HELZ: variants seen among roughly 807,000 people sequenced by gnomAD.
HELZ encodes the protein ATP-dependent RNA helicase with zinc finger domain.
A neutral mutation model predicts 218.2 loss-of-function variants in HELZ; 23 were observed. The ratio of observed to expected loss-of-function variants is 0.11; its 90% confidence interval spans 0.08 to 0.15. The LOEUF (loss-of-function observed/expected upper bound fraction) is 0.15. Among genes scored for constraint, HELZ ranks in the 10% least tolerant of loss-of-function variants. The probability of loss-of-function intolerance (pLI) is 1.00; values close to 1 mark genes in which losing one functional copy is unlikely to be tolerated. For missense variants in HELZ, 1,813 were observed against 2,353.7 expected (o/e 0.77, Z 4.75); for synonymous variants, 814 against 829.4 (o/e 0.98, Z 0.32).
rs1284935800 is a variant in HELZ at position 67,244,976 on chromosome 17, G to C, written c.-132+172C>G. On this transcript the variant is annotated intron_variant, in intron 1 of 32. Coordinates refer to ENST00000358691, the MANE Select transcript of HELZ (RefSeq NM_014877.4). ...AGCCCCAGCGTCCGGGCCTCGCCTCGAAGAGCCGCGCTTCCCAGGCCCAGC... is the reference window on the plus strand; with the variant it reads ...AGCCCCAGCGTCCGGGCCTCGCCTCCAAGAGCCGCGCTTCCCAGGCCCAGC... 1.1e-5 allele frequency: 11 copies of C among 985,762 alleles called. No homozygotes were observed. The Admixed American group carries it at 6.2e-4, about 55-fold the overall frequency. The allele number at this position is 985,762 out of a possible 1,614,324, so 61.1% of individuals were successfully genotyped here. A position where few individuals can be genotyped will look rare whatever the true frequency, so the allele number is the denominator to read the frequency against.
intron 3 of HELZ, among the ~76,000 whole-genome samples, chr17:67,234,255 A>G (rs2041118280): frequency 6.7e-6 from 1 of 148,792 alleles, no homozygotes; most frequent in Admixed American, 6.7e-5. Flanking sequence ...CCTAGGAGGC[A>G]GAGGTTACAA....
chr17:67,078,338 T>C lies in HELZ; in HGVS notation c.5743A>G (p.Lys1915Glu). Reference protein sequence around the residue: ...KPRPPPEQAKKSSDPLSLFQE... With the variant: ...KPRPPPEQAKESSDPLSLFQE... Reference sequence around the variant, plus strand: ...AAGAGAGACAGAGGGTCGCTACTCTTCTTGGCCTGCTCAGGAGGGGGCCTG... The same window carrying C: ...AAGAGAGACAGAGGGTCGCTACTCTCCTTGGCCTGCTCAGGAGGGGGCCTG... The change falls in exon 33 of 33, where the codon AAG becomes GAG. Residue 1915 changes from lysine (K) to glutamate (E), a missense_variant. This residue lies in a region of HELZ where 938 missense variants were observed against 1,027.5 expected (regional missense o/e 0.91). Coordinates refer to ENST00000358691, the MANE Select transcript of HELZ (RefSeq NM_014877.4). The C allele has an allele frequency of 6.2e-7, 1 of 1,614,082 alleles. No homozygotes were observed. Among genetic ancestry groups the C allele is most frequent in the Non-Finnish European group, 8.5e-7 (1 of 1,179,980 alleles).
At chr17:67,207,026 C>A (rs1399028851) in intron 5 of HELZ, among the ~76,000 whole-genome samples, 4 of 151,148 alleles carry the variant, frequency 2.6e-5, no homozygotes, top group Admixed American at 1.3e-4. Flanking sequence ...GACTATCCTA[C>A]CTCAGCCTCC....
intron 9 of HELZ, among the ~76,000 whole-genome samples, chr17:67,192,617 T>C (rs1297504786): frequency 6.6e-6 from 1 of 152,236 alleles, no homozygotes; most frequent in Non-Finnish European, 1.5e-5. Context: ...TTCCTTTTCA[T>C]AGGATTGTGT....
chr17:67,238,063 TGGCCA>T (rs2143493759), intron 3 of HELZ, among the ~76,000 whole-genome samples: 1 of 150,594 alleles, frequency 6.6e-6, no homozygotes, highest in Admixed American at 6.6e-5. Flanking sequence ...TGAAAATTCA[TGGCCA>T]GGCATGGTGG....
At position 67,199,211 on chromosome 17, in the gene HELZ, T is replaced by C. The variant is rs796652751; in HGVS notation, c.429+1918A>G. Among the ~76,000 whole-genome samples the C allele has an allele frequency of 7.6e-4, 46 of 60,888 alleles. 1 individual carries two copies. The highest frequency in any genetic ancestry group is 2.3e-3 in the African/African-American group (44 of 19,454). The allele number at this position is 60,888 out of a possible 152,430, so 39.9% of individuals were successfully genotyped here. On this transcript the variant is annotated intron_variant, in intron 7 of 32. Coordinates refer to ENST00000358691, the MANE Select transcript of HELZ (RefSeq NM_014877.4). ...AAAGTAATTGCGATTTTGCCATTAC[T>C]TTTTTTTTTTTTTTTTTTTGAGACA...
chr17:67,147,275 TATATAG>T (rs1473552633), intron 20 of HELZ, among the ~76,000 whole-genome samples: 1 of 152,186 alleles, frequency 6.6e-6, no homozygotes, highest in African/African-American at 2.4e-5. Context: ...TGTGTAGATA[TATATAG>T]ATATAGATAT....
At position 67,107,449 on chromosome 17, in the gene HELZ, G is replaced by A. The variant is rs1279511976; in HGVS notation, c.4961C>T (p.Pro1654Leu). 2.5e-6 allele frequency: 4 copies of A among 1,614,066 alleles called. No homozygotes were observed. Among genetic ancestry groups the A allele is most frequent in the Middle Eastern group, 1.6e-4 (1 of 6,084 alleles). The change falls in exon 31 of 33, where the codon CCA becomes CTA. Residue 1654 changes from proline (P) to leucine (L), a missense_variant. Pro to Leu is a moderately conservative substitution (Grantham distance 98). This residue lies in a region of HELZ where 938 missense variants were observed against 1,027.5 expected (regional missense o/e 0.91). Coordinates refer to ENST00000358691, the MANE Select transcript of HELZ (RefSeq NM_014877.4). ...ASNPAFPQRL[P>L]PQIFNSPFSL... ...GAAAGGTGAGTTGAATATCTGGGGTGGGAGGCGCTGTGGAAATGCTGGGTT... is the reference window on the plus strand; with the variant it reads ...GAAAGGTGAGTTGAATATCTGGGGTAGGAGGCGCTGTGGAAATGCTGGGTT...
chr17:67,096,392 G>GA (rs1250980876), intron 31 of HELZ, among the ~76,000 whole-genome samples: 2 of 152,170 alleles, frequency 1.3e-5, no homozygotes, highest in African/African-American at 4.8e-5. Flanking sequence ...TCGAAGCTTT[G>GA]AAGCCAGGTA....
At chr17:67,083,435 T>C (rs1440001558) in intron 32 of HELZ, among the ~76,000 whole-genome samples, 1 of 151,458 alleles carries the variant, frequency 6.6e-6, no homozygotes, top group Non-Finnish European at 1.5e-5. Flanking sequence ...AGGTCAGGAG[T>C]TCTAGACCAG....
At chr17:67,210,046 C>T (rs1387919385) in intron 5 of HELZ, among the ~76,000 whole-genome samples, 1 of 152,110 alleles carries the variant, frequency 6.6e-6, no homozygotes, top group Non-Finnish European at 1.5e-5. Context: ...AGCAAAACCC[C>T]ATCTCTACAA....
intron 20 of HELZ, among the ~76,000 whole-genome samples, chr17:67,146,704 G>C (rs1179774630): frequency 3.9e-5 from 6 of 152,158 alleles, no homozygotes. Flanking sequence ...GCAAATGACT[G>C]AAAATAATAA....
At chr17:67,157,409 T>C (rs1397060563) in intron 17 of HELZ, among the ~76,000 whole-genome samples, 1 of 152,216 alleles carries the variant, frequency 6.6e-6, no homozygotes, top group Non-Finnish European at 1.5e-5. Context: ...GCTTGATCGC[T>C]GAGCCAATTT....
chr17:67,203,585 G>T, intron 5 of HELZ, 142 bp from the exon 6 acceptor site: 2 of 935,572 alleles, frequency 2.1e-6, no homozygotes, highest in Non-Finnish European at 3.1e-6. Flanking sequence ...AAGCAGTGGT[G>T]TTTCTGTTCT....
At chr17:67,160,087 T>C (rs1239510986) in intron 17 of HELZ, among the ~76,000 whole-genome samples, 174 bp downstream of exon 17, 2 of 152,176 alleles carry the variant, frequency 1.3e-5, no homozygotes, top group Non-Finnish European at 2.9e-5. Context: ...AAATGAATAG[T>C]CAAAGATTTT....
intron 26 of HELZ, among the ~76,000 whole-genome samples, chr17:67,121,080 C>A (rs2037595706): frequency 6.6e-6 from 1 of 152,174 alleles, no homozygotes; most frequent in African/African-American, 2.4e-5. Context: ...GGTATTCCAA[C>A]TTAATATGAG....
chr17:67,089,698 G>GAGAGAGAGAGAGAGAGAC (rs1379133150), intron 31 of HELZ, among the ~76,000 whole-genome samples: 1 of 139,508 alleles, frequency 7.2e-6, no homozygotes, highest in African/African-American at 2.8e-5. Context: ...GAGAGAGAGA[G>GAGAGAGAGAGAGAGAGAC]AGACAGAGAG....
intron 9 of HELZ, among the ~76,000 whole-genome samples, chr17:67,191,207 T>C (rs1477050407): frequency 6.6e-6 from 1 of 152,242 alleles, no homozygotes; most frequent in Non-Finnish European, 1.5e-5. Context: ...GATTTTACTC[T>C]TTTCTACATT....
chr17:67,104,947 C>T (rs1273234814), intron 31 of HELZ, among the ~76,000 whole-genome samples: 2 of 152,048 alleles, frequency 1.3e-5, no homozygotes, highest in African/African-American at 4.8e-5. Flanking sequence ...CGTGAAACCC[C>T]GTCTCTACTA....
Sources: gnomAD v4.1 joint callset for allele counts (sites outside exome capture counted in the v4.1 genomes callset) on GRCh38, gnomAD v4.1.1 for gene constraint, gnomAD v4.1.1 regional missense constraint, MANE v1.5 for transcripts, NCBI Gene and HGNC (gene_info 2026-07-23, HGNC 2026-07-21) for gene names.